The following CTNNA2 variants were observed in gnomAD, a reference collection of about 807,000 sequenced individuals.
The protein encoded by CTNNA2 is catenin alpha 2.
A neutral mutation model predicts 101.0 loss-of-function variants in CTNNA2; 42 were observed. The observed-to-expected ratio is 0.42, with a 90% CI of 0.32 to 0.54. The LOEUF is 0.54. CTNNA2 is among the 20% of genes least tolerant of loss of function. The pLI, the probability that CTNNA2 is intolerant of heterozygous loss-of-function variation, is 0.14. For missense variants in CTNNA2, 871 were observed against 1,223.1 expected (o/e 0.71, Z 4.29); for synonymous variants, 450 against 456.4 (o/e 0.99, Z 0.18).
intron 15 of CTNNA2, among the ~76,000 whole-genome samples, chr2:80,589,779 G>A (rs1696277013): frequency 6.6e-6 from 1 of 151,994 alleles, no homozygotes; most frequent in African/African-American, 2.4e-5. Flanking sequence ...TTTGGTCTGT[G>A]CTATTTTGCA....
chr2:80,112,429 G>C (rs1440564510), intron 7 of CTNNA2, among the ~76,000 whole-genome samples: 2 of 152,144 alleles, frequency 1.3e-5, no homozygotes, highest in Non-Finnish European at 2.9e-5. Flanking sequence ...TGATTGCTGT[G>C]ATGGACTGTG....
chr2:79,212,962 T>C (rs1392320402), intron 2 of CTNNA2, among the ~76,000 whole-genome samples: 3 of 152,038 alleles, frequency 2.0e-5, no homozygotes, highest in African/African-American at 7.2e-5. Context: ...AAATGAGAGG[T>C]TCTAAGAGAT....
chr2:80,363,204 C>A (rs1235796984), intron 7 of CTNNA2, among the ~76,000 whole-genome samples: 1 of 151,324 alleles, frequency 6.6e-6, no homozygotes, highest in Non-Finnish European at 1.5e-5. Context: ...TGGTGGAAAA[C>A]AAGCACAGAA....
chr2:79,993,291 C>T (rs1037239166), intron 7 of CTNNA2, among the ~76,000 whole-genome samples: 1 of 152,192 alleles, frequency 6.6e-6, no homozygotes, highest in Admixed American at 6.5e-5. Flanking sequence ...CAACTTCCTG[C>T]AGCATGGTAT....
chr2:79,489,936 C>CCTCGTCT (rs1378701307), intron 4 of CTNNA2, among the ~76,000 whole-genome samples: 1 of 152,058 alleles, frequency 6.6e-6, no homozygotes, highest in African/African-American at 2.4e-5. Context: ...ACTCATGGCC[C>CCTCGTCT]CTCGTCTCAT....
intron 3 of CTNNA2, among the ~76,000 whole-genome samples, chr2:79,827,154 G>A (rs1051335067): frequency 8.6e-5 from 13 of 151,750 alleles, no homozygotes; most frequent in Admixed American, 2.6e-4. Context: ...TTCTTATGCC[G>A]CAGCCTCCCG....
At position 79,193,509 on chromosome 2, in the gene CTNNA2, G is replaced by C. The variant is rs141259819; in HGVS notation, c.-523-4450G>C. Among the ~76,000 whole-genome samples the C allele has an allele frequency of 6.3e-3, 964 of 152,212 alleles. 9 individuals carry two copies. The highest frequency in any genetic ancestry group is 0.022 in the African/African-American group (911 of 41,536). ...AGTATGTAGTAGCCTGTACCACCTA[G>C]GTTTGTATAACTACATTCTAGGATG... On this transcript the variant is annotated intron_variant, in intron 1 of 21. Transcript: ENST00000466387.
At chr2:80,228,238 C>T (rs1056376623) in intron 7 of CTNNA2, among the ~76,000 whole-genome samples, 4 of 152,286 alleles carry the variant, frequency 2.6e-5, no homozygotes, top group Non-Finnish European at 5.9e-5. Context: ...AAGTTTATTG[C>T]TCACAGTTCC....
chr2:80,144,263 A>G (rs755004835), intron 7 of CTNNA2, among the ~76,000 whole-genome samples: 1 of 152,208 alleles, frequency 6.6e-6, no homozygotes, highest in Non-Finnish European at 1.5e-5. Flanking sequence ...GGCAGCATGC[A>G]ACTGTAAGAG....
intron 2 of CTNNA2, among the ~76,000 whole-genome samples, chr2:79,209,360 T>C (rs1674140604): frequency 6.6e-6 from 1 of 152,200 alleles, no homozygotes; most frequent in African/African-American, 2.4e-5. Flanking sequence ...AGAGTTTTAA[T>C]TGACTGCTCT....
chr2:79,944,042 G>A (rs2104466205), intron 7 of CTNNA2, among the ~76,000 whole-genome samples: 1 of 152,226 alleles, frequency 6.6e-6, no homozygotes, highest in African/African-American at 2.4e-5. Context: ...TGAGAATGCT[G>A]CAGCCTGAAA....
chr2:79,428,173 T>A (rs1232992908), intron 4 of CTNNA2, among the ~76,000 whole-genome samples: 1 of 152,080 alleles, frequency 6.6e-6, no homozygotes, highest in Non-Finnish European at 1.5e-5. Flanking sequence ...ATTTTTTTTT[T>A]AATGCAGAAC....
intron 7 of CTNNA2, among the ~76,000 whole-genome samples, chr2:80,280,701 A>G (rs1223765411): frequency 6.6e-6 from 1 of 152,216 alleles, no homozygotes; most frequent in Non-Finnish European, 1.5e-5. Flanking sequence ...GAAATAAACA[A>G]CGCATAAGTT....
At chr2:79,640,613 A>G (rs1223480094) in intron 1 of CTNNA2, among the ~76,000 whole-genome samples, 1 of 152,194 alleles carries the variant, frequency 6.6e-6, no homozygotes, top group Non-Finnish European at 1.5e-5. Context: ...GAATATGTCT[A>G]AGAATATGTC....
intron 2 of CTNNA2, among the ~76,000 whole-genome samples, chr2:79,262,653 G>A (rs1674938678): frequency 6.6e-6 from 1 of 152,128 alleles, no homozygotes; most frequent in African/African-American, 2.4e-5. Flanking sequence ...CGAATTCTCA[G>A]GTCATGCTCC....
chr2:79,468,135 T>C (rs1670959211), intron 4 of CTNNA2, among the ~76,000 whole-genome samples: 1 of 152,034 alleles, frequency 6.6e-6, no homozygotes, highest in South Asian at 2.1e-4. Flanking sequence ...AGGAGACCCA[T>C]CTTACATGCA....
chr2:79,792,038 G>A (rs1675312569), intron 3 of CTNNA2, among the ~76,000 whole-genome samples: 1 of 152,116 alleles, frequency 6.6e-6, no homozygotes, highest in African/African-American at 2.4e-5. Flanking sequence ...ATGCAGTTGT[G>A]GATGCAAATA....
chr2:79,308,327 T>C (rs887711218), intron 2 of CTNNA2, among the ~76,000 whole-genome samples: 2 of 152,222 alleles, frequency 1.3e-5, no homozygotes, highest in African/African-American at 4.8e-5. Flanking sequence ...ATTACAGTCA[T>C]GAGCCACAGC....
At chr2:79,303,687 A>G (rs10200371) in intron 2 of CTNNA2, among the ~76,000 whole-genome samples, 53,465 of 151,702 alleles carry the variant, frequency 0.35, 9,947 homozygotes, top group African/African-American at 0.47. Context: ...AGCCGTGTTG[A>G]TGAGGCAAGG....
Sources: allele counts gnomAD v4.1 joint callset (sites outside exome capture counted in the v4.1 genomes callset), GRCh38; gene constraint gnomAD v4.1.1; transcripts MANE v1.5; gene names NCBI Gene and HGNC (gene_info 2026-07-23, HGNC 2026-07-21).